Variants in TASP1 observed in about 807,000 individuals in gnomAD.
TASP1 encodes taspase 1.
A neutral mutation model predicts 56.6 loss-of-function variants in TASP1; 16 were observed. The ratio of observed to expected loss-of-function variants is 0.28; its 90% CI spans 0.19 to 0.43. TASP1 has a LOEUF of 0.43. Among genes scored for constraint, TASP1 ranks in the 20% least tolerant of loss-of-function variants. The pLI is 1.00. For synonymous variants in TASP1, 179 were observed against 184.2 expected (o/e 0.97, Z 0.23); for missense variants, 393 against 511.6 (o/e 0.77, Z 2.24).
chr20:13,446,914 T>G (rs1470267292), intron 11 of TASP1, among the ~76,000 whole-genome samples: 1 of 152,170 alleles, frequency 6.6e-6, no homozygotes, highest in Non-Finnish European at 1.5e-5. Flanking sequence ...ATGTTATCAC[T>G]TCTTTATTTA....
At chr20:13,144,437 A>G in the TASP1 span, among the ~76,000 whole-genome samples, 1 of 152,318 alleles carries the variant, frequency 6.6e-6, no homozygotes, top group Admixed American at 6.5e-5. Context: ...TATTACTATC[A>G]TCCCCATTTA....
At chr20:13,454,326 AG>A (rs143439581) in intron 11 of TASP1, among the ~76,000 whole-genome samples, 1 of 152,248 alleles carries the variant, frequency 6.6e-6, no homozygotes, top group East Asian at 1.9e-4. Context: ...AAGACTGCTT[AG>A]GAAACGTCTG....
At chr20:13,429,996 C>G (rs2042751253) in intron 12 of TASP1, among the ~76,000 whole-genome samples, 2 of 151,900 alleles carry the variant, frequency 1.3e-5, no homozygotes, top group Admixed American at 1.3e-4. Context: ...GGAGACGGGA[C>G]TGAGGGGACA....
chr20:13,157,711 A>G, the TASP1 span, among the ~76,000 whole-genome samples: 2 of 152,172 alleles, frequency 1.3e-5, no homozygotes, highest in East Asian at 3.8e-4. Context: ...CAGGTTAGTT[A>G]CAAAAGGTAA....
At chr20:13,325,204 C>A in the TASP1 span, among the ~76,000 whole-genome samples, 1 of 152,162 alleles carries the variant, frequency 6.6e-6, no homozygotes, top group Non-Finnish European at 1.5e-5. Flanking sequence ...TCCCTTCTCA[C>A]GAGAAACGCA....
At chr20:13,389,012 T>C (rs542042070), downstream of TASP1, among the ~76,000 whole-genome samples, 1 of 152,276 alleles carries the variant, frequency 6.6e-6, no homozygotes, top group East Asian at 1.9e-4. Context: ...AGTATCTTCT[T>C]GATAACCACT....
At chr20:13,191,169 A>C in the TASP1 span, among the ~76,000 whole-genome samples, 1 of 152,204 alleles carries the variant, frequency 6.6e-6, no homozygotes, top group African/African-American at 2.4e-5. Flanking sequence ...CCATTAAAAC[A>C]AAACAGTATA....
chr20:13,461,695 A>G (rs867126150), intron 11 of TASP1, among the ~76,000 whole-genome samples: 2 of 152,194 alleles, frequency 1.3e-5, no homozygotes, highest in Non-Finnish European at 2.9e-5. Flanking sequence ...TGTTTACAAA[A>G]TCAGTTGGTA....
the TASP1 span, among the ~76,000 whole-genome samples, chr20:13,242,161 G>A: frequency 6.6e-6 from 1 of 152,138 alleles, no homozygotes; most frequent in African/African-American, 2.4e-5. Flanking sequence ...TGCAGTAGAG[G>A]GAAAGGGTAT....
rs2049027473 is a variant in TASP1, at chr20:13,629,997, T to C, written c.82A>G (p.Lys28Glu). 1 of 1,614,094 alleles carries C rather than the reference T, an allele frequency of 6.2e-7. No homozygotes were observed. Among genetic ancestry groups the C allele is most frequent in the East Asian group, 2.2e-5 (1 of 44,880 alleles). Residue 28 changes from lysine (K) to glutamate (E), a missense_variant, in exon 2 of 14, where the codon AAA becomes GAA. Lys to Glu is a moderately conservative substitution (Grantham distance 56). Coordinates refer to ENST00000337743, the MANE Select transcript of TASP1 (RefSeq NM_017714.3). ...TAGGACTGCTTTGTTTCCAACTCTT[T>C]GGCTGTTATTTTACCAGCCGAAACC... ...SQVSAGKITA[K>E]ELETKQSYKE...
At chr20:13,577,689 C>G (rs2046972904) in intron 6 of TASP1, among the ~76,000 whole-genome samples, 1 of 152,198 alleles carries the variant, frequency 6.6e-6, no homozygotes, top group African/African-American at 2.4e-5. Context: ...GGAACGCTCA[C>G]CAGAAACCAA....
the TASP1 span, among the ~76,000 whole-genome samples, chr20:13,380,478 C>A: frequency 6.6e-6 from 1 of 152,126 alleles, no homozygotes; most frequent in African/African-American, 2.4e-5. Context: ...CCGCCAGATG[C>A]CAGCTGGAGC....
chr20:13,444,350 G>A (rs531742639), intron 11 of TASP1, among the ~76,000 whole-genome samples: 1 of 152,196 alleles, frequency 6.6e-6, no homozygotes, highest in Admixed American at 6.5e-5. Context: ...ATGAATTTCT[G>A]TGCATTGCTT....
chr20:13,158,187 T>A, the TASP1 span, among the ~76,000 whole-genome samples: 1 of 152,230 alleles, frequency 6.6e-6, no homozygotes, highest in Non-Finnish European at 1.5e-5. Flanking sequence ...GCAATGCTAA[T>A]GTTTATTATC....
At chr20:13,479,463 C>CT (rs777068211) in intron 11 of TASP1, among the ~76,000 whole-genome samples, 14,669 of 141,752 alleles carry the variant, frequency 0.1, 1,610 homozygotes, top group African/African-American at 0.27. Flanking sequence ...TGATTTACAA[C>CT]TTTTTTTTTT....
chr20:13,560,460 G>A (rs1315699529), intron 7 of TASP1, among the ~76,000 whole-genome samples: 1 of 152,098 alleles, frequency 6.6e-6, no homozygotes, highest in African/African-American at 2.4e-5. Context: ...GAGTTTTATA[G>A]GAGACATTCC....
At chr20:13,417,100 T>C (rs935393467) in intron 13 of TASP1, among the ~76,000 whole-genome samples, 1 of 152,224 alleles carries the variant, frequency 6.6e-6, no homozygotes, top group African/African-American at 2.4e-5. Flanking sequence ...TGCAGAAACA[T>C]CCATCTATGT....
intron 11 of TASP1, among the ~76,000 whole-genome samples, chr20:13,465,899 G>A (rs1444211486): frequency 6.6e-6 from 1 of 152,136 alleles, no homozygotes; most frequent in Non-Finnish European, 1.5e-5. Context: ...GGATTCTTGT[G>A]ATGATTAAGG....
the TASP1 span, among the ~76,000 whole-genome samples, chr20:13,179,407 G>A: frequency 5.1e-5 from 2 of 39,466 alleles, no homozygotes; most frequent in African/African-American, 3.1e-4. Context: ...AATTATGTGC[G>A]TGTGTGTGTG....
Sources: allele counts gnomAD v4.1 joint callset (sites outside exome capture counted in the v4.1 genomes callset), GRCh38; gene constraint gnomAD v4.1.1; transcripts MANE v1.5; gene names NCBI Gene and HGNC (gene_info 2026-07-23, HGNC 2026-07-21).